The following SLC12A2 variants were observed in gnomAD, a reference collection of about 807,000 sequenced individuals.
SLC12A2 encodes the protein solute carrier family 12 member 2.
In SLC12A2, 67 loss-of-function variants were observed where a neutral mutation model predicts 136.3. The ratio of observed to expected loss-of-function variants is 0.49; its 90% CI spans 0.40 to 0.60. The LOEUF is 0.60. Ranked by LOEUF, SLC12A2 falls within the 20% of genes least tolerant of loss-of-function variation. SLC12A2 has a pLI of 0.00. For missense variants in SLC12A2, 1,322 were observed against 1,534.7 expected, an observed-to-expected ratio of 0.86 and a Z score of 2.32; for synonymous variants, 619 against 562.9, an observed-to-expected ratio of 1.10 and a Z score of -1.41.
In SLC12A2 at chr5:128,131,194, G is replaced by A. The variant is rs1401893289; in HGVS notation, c.1176G>A (p.Val392=). The A allele has an allele frequency of 1.9e-6, 3 of 1,613,988 alleles. No individual in the cohort carries two copies. The highest frequency in any genetic ancestry group is 2.5e-6 in the Non-Finnish European group (3 of 1,179,990). The part of the protein sequence containing the change: ...MYVVGFAETV[V]ELLKEHSILM... ...TGGTTGGATTTGCAGAAACCGTGGT[G>A]GAGTTGCTTAAGGTAATTCACCTTC... The change falls in exon 5 of 27, where the codon GTG becomes GTA. Residue 392 remains valine (V), a synonymous_variant. Transcript: ENST00000262461.
chr5:128,089,589 A>G (rs187816657), intron 1 of SLC12A2, among the ~76,000 whole-genome samples: 3 of 152,328 alleles, frequency 2.0e-5, no homozygotes, highest in Admixed American at 6.5e-5. Flanking sequence ...TGAACTCCTG[A>G]GAGTTGAATG....
intron 6 of SLC12A2, among the ~76,000 whole-genome samples, chr5:128,135,352 G>A (rs559648031): frequency 3.9e-5 from 6 of 152,162 alleles, no homozygotes; most frequent in Admixed American, 3.9e-4. Flanking sequence ...TGTTAAGGTG[G>A]AAGAGACAGG....
chr5:128,157,548 A>G (rs1029276956), intron 15 of SLC12A2, among the ~76,000 whole-genome samples: 1 of 152,312 alleles, frequency 6.6e-6, no homozygotes, highest in East Asian at 1.9e-4. Flanking sequence ...TAAGAAGGAA[A>G]GTGACCTGTT....
At chr5:128,115,414 C>CG (rs1761309358) in intron 4 of SLC12A2, among the ~76,000 whole-genome samples, 1 of 152,108 alleles carries the variant, frequency 6.6e-6, no homozygotes, top group East Asian at 1.9e-4. Flanking sequence ...TGTGAGCCAC[C>CG]GCACCTGGCC....
intron 24 of SLC12A2, 76 bp downstream of exon 24, chr5:128,183,017 GA>G (rs1763754535): frequency 1.1e-6 from 1 of 895,968 alleles, no homozygotes; most frequent in African/African-American, 1.7e-5. Flanking sequence ...TTAAAACCCA[GA>G]GATTTTTTTC....
At chr5:128,101,735 A>G (rs926535660) in intron 1 of SLC12A2, among the ~76,000 whole-genome samples, 1 of 152,212 alleles carries the variant, frequency 6.6e-6, no homozygotes, top group East Asian at 1.9e-4. Context: ...TATCAGTGCC[A>G]CTAAGGCAAA....
Position 128,178,579 on chromosome 5 carries a change from C to A in SLC12A2, c.2990C>A (p.Pro997His). The A allele has an allele frequency of 6.3e-7, 1 of 1,585,954 alleles. No homozygotes were observed. The highest frequency in any genetic ancestry group is 1.4e-5 in the African/African-American group (1 of 73,220). The change falls in exon 22 of 27, where the codon CCT (proline) becomes CAT (histidine). Residue 997 changes from proline (P) to histidine (H), a missense_variant. Pro to His is a moderately conservative substitution (Grantham distance 77, BLOSUM62 -2). This residue lies in a region of SLC12A2 where 226 missense variants were observed against 210.4 expected (regional missense o/e 1.07). Transcript: ENST00000262461. ...CTTAATCCTTTAGAATCCAAAGGCC[C>A]TATTGTGCCTTTAAATGTAGCTGAC... is the stretch of plus-strand genomic sequence containing the variant. ...QPLLKKESKG[P>H]IVPLNVADQK...
chr5:128,127,418 G>T (rs1464447319), intron 4 of SLC12A2, among the ~76,000 whole-genome samples: 4 of 152,084 alleles, frequency 2.6e-5, no homozygotes, highest in African/African-American at 9.7e-5. Context: ...ACCGTGCCTA[G>T]CCTGGAATTT....
At chr5:128,112,993 C>G in intron 2 of SLC12A2, 60 bp downstream of exon 2, 7 of 1,423,798 alleles carry the variant, frequency 4.9e-6, no homozygotes, top group South Asian at 1.5e-5. Flanking sequence ...TAAAATCTTC[C>G]TAACGTTCTC....
At chr5:128,135,143 G>A (rs189718586) in intron 6 of SLC12A2, among the ~76,000 whole-genome samples, 15 of 152,168 alleles carry the variant, frequency 9.9e-5, no homozygotes, top group Admixed American at 7.2e-4. Flanking sequence ...GTTGAGAGTG[G>A]AGAAGGGGAA....
intron 16 of SLC12A2, among the ~76,000 whole-genome samples, chr5:128,160,803 T>C (rs1384305086): frequency 1.3e-5 from 2 of 151,906 alleles, no homozygotes; most frequent in Admixed American, 6.6e-5. Flanking sequence ...CCCCAGCTAA[T>C]TGTTCTGCTT....
intron 9 of SLC12A2, 134 bp from the exon 10 acceptor site, chr5:128,141,696 G>T (rs1270773640): frequency 7.2e-6 from 4 of 555,306 alleles, no homozygotes; most frequent in Non-Finnish European, 1.1e-5. Context: ...AATTGTAAAT[G>T]CAATGTATGC....
intron 1 of SLC12A2, among the ~76,000 whole-genome samples, chr5:128,100,227 T>C (rs1263566344): frequency 6.6e-6 from 1 of 152,090 alleles, no homozygotes; most frequent in East Asian, 1.9e-4. Context: ...AGAAACATCA[T>C]TATGTAGCAC....
intron 1 of SLC12A2, among the ~76,000 whole-genome samples, chr5:128,091,401 A>T (rs1480634811): frequency 6.6e-6 from 1 of 152,224 alleles, no homozygotes; most frequent in Non-Finnish European, 1.5e-5. Flanking sequence ...TTAAGAAAAC[A>T]GCTTTCATTT....
chr5:128,084,394 C>T lies in SLC12A2; in HGVS notation c.440C>T (p.Ala147Val), dbSNP rs778867565. Residue 147 changes from alanine to valine, a missense_variant, in exon 1 of 27, where the codon GCT becomes GTT. Coordinates refer to ENST00000262461, the MANE Select transcript of SLC12A2 (RefSeq NM_001046.3). The surrounding 1 kb of genome is among the most constrained non-coding windows in gnomAD (Gnocchi z 5.6). ...TTCCGCGTGAACTTCGTGGACCCAGCTGCCTCCTCGTCGGCTGAAGACAGC... is the reference window on the plus strand; with the variant it reads ...TTCCGCGTGAACTTCGTGGACCCAGTTGCCTCCTCGTCGGCTGAAGACAGC... ...GRFRVNFVDPAASSSAEDSLS... is the reference protein window; with the variant it reads ...GRFRVNFVDPVASSSAEDSLS... 6 of 1,609,608 alleles carry T rather than the reference C, an allele frequency of 3.7e-6. No individual in the cohort carries two copies. In the South Asian group the frequency reaches 4.4e-5, roughly 12 times the overall value.
At chr5:128,131,324 A>T (rs956170043) in intron 5 of SLC12A2, 118 bp downstream of exon 5, 4 of 1,051,816 alleles carry the variant, frequency 3.8e-6, no homozygotes, top group Admixed American at 4.1e-5. Flanking sequence ...TTCGTCCTTC[A>T]TAAAGTTTAC....
intron 17 of SLC12A2, 97 bp from the exon 18 acceptor site, chr5:128,167,664 T>C: frequency 1.3e-6 from 1 of 768,350 alleles, no homozygotes; most frequent in Non-Finnish European, 2.1e-6. Flanking sequence ...TAAGAGTGTC[T>C]ATAGAAGCTG....
chr5:128,084,299 G>C lies in SLC12A2; in HGVS notation c.345G>C (p.Gln115His), dbSNP rs1214698352. The stretch of plus-strand genomic sequence containing the variant: ...CTGGTGCTGGGGCGGGGGCCAAGCA[G>C]ACCCCCGCGGACGGGGAAGCCAGCG... Reference protein sequence around the residue: ...AAAGAGAGAKQTPADGEASGE... With the variant: ...AAAGAGAGAKHTPADGEASGE... Residue 115 changes from glutamine (Q) to histidine (H), a missense_variant, in exon 1 of 27, where the codon CAG becomes CAC. By Grantham distance (24) the Gln-to-His change is conservative. This residue lies in a region of SLC12A2 where 358 missense variants were observed against 299.7 expected (regional missense o/e 1.19). Transcript: ENST00000262461. This position sits in a 1 kb window ranked among gnomAD's most constrained non-coding sequence, Gnocchi z 5.6. The C allele has an allele frequency of 6.6e-6, 10 of 1,504,394 alleles. No individual in the cohort carries two copies. The highest frequency in any genetic ancestry group is 2.4e-5 in the East Asian group (1 of 40,964). The allele number at this position is 1,504,394 out of a possible 1,614,324, so 93.2% of individuals were successfully genotyped here.
chr5:128,103,572 C>T (rs1760821442), intron 1 of SLC12A2, among the ~76,000 whole-genome samples: 1 of 151,896 alleles, frequency 6.6e-6, no homozygotes. Context: ...TACAAAACAC[C>T]AAGTAAATAA....
Sources: gnomAD v4.1 joint callset for allele counts (sites outside exome capture counted in the v4.1 genomes callset) on GRCh38, gnomAD v4.1.1 for gene constraint, gnomAD v4.1.1 regional missense constraint, Gnocchi (gnomAD v3.1) non-coding constraint, MANE v1.5 for transcripts, NCBI Gene and HGNC (gene_info 2026-07-23, HGNC 2026-07-21) for gene names.